MYOZ2: variants seen among roughly 807,000 people sequenced by gnomAD.
MYOZ2 encodes the protein myozenin 2.
A neutral mutation model predicts 25.4 loss-of-function variants in MYOZ2; 19 were observed. That is an observed-to-expected ratio of 0.75 (90% confidence interval 0.52 to 1.10). MYOZ2 has a LOEUF of 1.10. Ranked by LOEUF, MYOZ2 falls within the 50% of genes least tolerant of loss-of-function variation. The pLI, the probability that MYOZ2 is intolerant of heterozygous loss-of-function variation, is 0.00. For missense variants in MYOZ2, 270 were observed against 317.9 expected (o/e 0.85, Z 1.15); for synonymous variants, 92 against 106.9 (o/e 0.86, Z 0.86).
At chr4:119,157,422 T>C (rs1350329457) in intron 3 of MYOZ2, among the ~76,000 whole-genome samples, 1 of 152,158 alleles carries the variant, frequency 6.6e-6, no homozygotes, top group African/African-American at 2.4e-5. Flanking sequence ...AAAAGACAAA[T>C]GTATTTTTTC....
chr4:119,177,436 CAATTTTCTAGGACAATTCA>C (rs1742097030), intron 5 of MYOZ2, among the ~76,000 whole-genome samples: 2 of 152,270 alleles, frequency 1.3e-5, no homozygotes, highest in African/African-American at 4.8e-5. Flanking sequence ...TCTGTGAAGA[CAATTTTCTAGGACAATTCA>C]AATTTTCTAG....
At position 119,155,633 on chromosome 4, in the gene MYOZ2, G is replaced by T. The variant is rs192060436; in HGVS notation, c.247-2389G>T. Among the ~76,000 whole-genome samples the T allele has an allele frequency of 1.9e-4, 29 of 152,234 alleles. No homozygotes were observed. The East Asian group carries it at 4.4e-3, about 23-fold the overall frequency. On this transcript the variant is annotated intron_variant, in intron 3 of 5. Transcript: ENST00000307128. ...GTGGGGAACTGGCTTGTGGAAGTTTGCAAGGAATGAGAGGTAATGTTTATG... is the reference window on the plus strand; with the variant it reads ...GTGGGGAACTGGCTTGTGGAAGTTTTCAAGGAATGAGAGGTAATGTTTATG...
At chr4:119,184,599 GTA>G (rs1237692349) in intron 5 of MYOZ2, among the ~76,000 whole-genome samples, 1 of 152,126 alleles carries the variant, frequency 6.6e-6, no homozygotes, top group Non-Finnish European at 1.5e-5. Context: ...AGATATTTTT[GTA>G]TATGTTTATG....
At chr4:119,143,183 ATTTC>A (rs1741208317) in intron 2 of MYOZ2, among the ~76,000 whole-genome samples, 1 of 151,488 alleles carries the variant, frequency 6.6e-6, no homozygotes, top group Non-Finnish European at 1.5e-5. Context: ...TGGCAATTAA[ATTTC>A]TTTCTTTCTT....
chr4:119,158,082 C>T lies in MYOZ2; in HGVS notation c.307C>T (p.Gln103Ter). The T allele has an allele frequency of 6.2e-7, 1 of 1,613,992 alleles. No individual in the cohort carries two copies. The highest frequency in any genetic ancestry group is 1.1e-5 in the South Asian group (1 of 91,078). The change falls in exon 4 of 6, where the codon CAA (glutamine) becomes TAA (stop). Residue 103 changes from glutamine (Q) to a stop codon, truncating the protein, a stop_gained. Transcript: ENST00000307128. LOFTEE classifies it high-confidence loss of function. ...DGSNLEGGSQ[Q>*]APLTPPNTPD... ...AAGTAACTTGGAAGGTGGTTCGCAG[C>T]AAGCCCCCTTGACTCCTCCCAACAC...
intron 5 of MYOZ2, among the ~76,000 whole-genome samples, chr4:119,175,845 T>G (rs1742062505): frequency 6.6e-6 from 1 of 152,216 alleles, no homozygotes. Context: ...CATGTTTGGT[T>G]TGATCCTCTG....
At chr4:119,143,345 A>G (rs906989735) in intron 2 of MYOZ2, among the ~76,000 whole-genome samples, 11 of 151,864 alleles carry the variant, frequency 7.2e-5, no homozygotes, top group African/African-American at 2.4e-4. Flanking sequence ...ACAGGTGCAC[A>G]CCACCACACA....
chr4:119,160,525 T>C (rs1741683766), intron 4 of MYOZ2, among the ~76,000 whole-genome samples: 1 of 152,188 alleles, frequency 6.6e-6, no homozygotes. Flanking sequence ...AGAATATCTA[T>C]ATTTTCACTT....
intron 5 of MYOZ2, among the ~76,000 whole-genome samples, chr4:119,177,688 TA>T (rs1476506217): frequency 6.6e-6 from 1 of 152,180 alleles, no homozygotes; most frequent in East Asian, 1.9e-4. Context: ...CCTTTTCTCT[TA>T]AAAGAGCTGA....
intron 4 of MYOZ2, 34 bp downstream of exon 4, chr4:119,158,185 T>G (rs1192030756): frequency 1.9e-6 from 3 of 1,610,658 alleles, no homozygotes; most frequent in Non-Finnish European, 2.5e-6. Context: ...AGCAATAAAA[T>G]TTCTGTGTAC....
intron 5 of MYOZ2, among the ~76,000 whole-genome samples, chr4:119,185,183 T>A (rs930706934): frequency 6.6e-6 from 1 of 151,836 alleles, no homozygotes; most frequent in Non-Finnish European, 1.5e-5. Context: ...CTTCTTTCTT[T>A]CTTTTTTTCT....
intron 5 of MYOZ2, among the ~76,000 whole-genome samples, chr4:119,181,639 T>C (rs1742185822): frequency 6.6e-6 from 1 of 152,176 alleles, no homozygotes; most frequent in African/African-American, 2.4e-5. Flanking sequence ...ATAAAATATA[T>C]GTGATGGAGG....
chr4:119,181,458 T>A (rs189255969), intron 5 of MYOZ2, among the ~76,000 whole-genome samples: 314 of 152,326 alleles, frequency 2.1e-3, no homozygotes, highest in Non-Finnish European at 3.2e-3. Flanking sequence ...TTATTCTACA[T>A]AATTTAGTAT....
intron 2 of MYOZ2, among the ~76,000 whole-genome samples, chr4:119,144,119 G>A (rs188475459): frequency 6.6e-6 from 1 of 152,132 alleles, no homozygotes; most frequent in East Asian, 1.9e-4. Flanking sequence ...CTTCTCTCTA[G>A]GCCCCATCTC....
intron 5 of MYOZ2, among the ~76,000 whole-genome samples, chr4:119,167,274 G>A (rs531949778): frequency 3.8e-4 from 58 of 152,316 alleles, no homozygotes; most frequent in Non-Finnish European, 7.2e-4. Context: ...GAGTAGTCTG[G>A]ATGGAAGATC....
chr4:119,173,979 C>T (rs1278583589), intron 5 of MYOZ2, among the ~76,000 whole-genome samples: 4 of 152,236 alleles, frequency 2.6e-5, no homozygotes, highest in East Asian at 1.9e-4. Flanking sequence ...GCCAGCCCAC[C>T]GGCGCTGCAC....
At chr4:119,169,190 G>T (rs1408344036) in intron 5 of MYOZ2, among the ~76,000 whole-genome samples, 1 of 152,132 alleles carries the variant, frequency 6.6e-6, no homozygotes, top group African/African-American at 2.4e-5. Context: ...TTGTTTTTCA[G>T]ACATATTGTT....
chr4:119,173,871 G>A lies in MYOZ2; in HGVS notation c.560+9477G>A, dbSNP rs924096876. Among the ~76,000 whole-genome samples, 11 of 152,202 alleles carry A rather than the reference G, an allele frequency of 7.2e-5. No individual in the cohort carries two copies. The South Asian group carries it at 1.7e-3, about 23-fold the overall frequency. ...GGTGGGCATGGGCTTGGCGGGCCCC[G>A]CACTCGGAGCAGCCAGCCAGCCCTG... is the stretch of plus-strand genomic sequence containing the variant. On this transcript the variant is annotated intron_variant, in intron 5 of 5. Coordinates refer to ENST00000307128, the MANE Select transcript of MYOZ2 (RefSeq NM_016599.5).
Position 119,157,522 on chromosome 4 carries a change from C to T in MYOZ2, c.247-500C>T, listed in dbSNP as rs932012991. ...ATGATTTTTGTGTTTTTTTGGAGTA[C>T]ATATGATTGCCGTTGAAATTTCAGG... On this transcript the variant is annotated intron_variant, in intron 3 of 5. Coordinates refer to ENST00000307128, the MANE Select transcript of MYOZ2 (RefSeq NM_016599.5). Among the ~76,000 whole-genome samples the T allele has an allele frequency of 3.3e-5, 5 of 152,036 alleles. No homozygotes were observed. The South Asian group carries it at 1.0e-3, about 32-fold the overall frequency.
Sources: gnomAD v4.1 joint callset for allele counts (sites outside exome capture counted in the v4.1 genomes callset) on GRCh38, gnomAD v4.1.1 for gene constraint, MANE v1.5 for transcripts, NCBI Gene and HGNC (gene_info 2026-07-23, HGNC 2026-07-21) for gene names.